Variants in SPAG16 observed in about 807,000 individuals in gnomAD.
SPAG16 encodes sperm associated antigen 16, also known as sperm-associated antigen 16 protein.
In SPAG16, 86 loss-of-function variants were observed where a neutral mutation model predicts 80.4. The observed-to-expected ratio is 1.07, with a 90% confidence interval of 0.90 to 1.28. The LOEUF (loss-of-function observed/expected upper bound fraction) is 1.28. Ranked by LOEUF, SPAG16 falls within the 50% of genes most tolerant of loss-of-function variation. SPAG16 has a pLI of 0.00. For synonymous variants in SPAG16, 294 were observed against 265.9 expected, an observed-to-expected ratio of 1.11 and a Z score of -1.03; for missense variants, 870 against 765.3, an observed-to-expected ratio of 1.14 and a Z score of -1.61.
Position 213,930,037 on chromosome 2 carries a change from C to G in SPAG16, c.1292C>G (p.Thr431Ser). Residue 431 changes from threonine to serine, a missense_variant, in exon 12 of 16, where the codon ACC becomes AGC. Coordinates refer to ENST00000331683, the MANE Select transcript of SPAG16 (RefSeq NM_024532.5). ...CTATGTAAAGGCGATTGCATTTTGA[C>G]CTTTGAAGGACACAGCCGCGCAGTG... ...WDLCKGDCIL[T>S]FEGHSRAVWS... 6.2e-7 allele frequency: 1 copy of G among 1,614,088 alleles called. No homozygotes were observed. Among genetic ancestry groups the G allele is most frequent in the Middle Eastern group, 1.6e-4 (1 of 6,062 alleles).
At chr2:213,466,277 A>G (rs1370345316) in intron 9 of SPAG16, among the ~76,000 whole-genome samples, 1 of 152,208 alleles carries the variant, frequency 6.6e-6, no homozygotes, top group Non-Finnish European at 1.5e-5. Context: ...CTGTCCCTCT[A>G]GAGAACCCTG....
At chr2:214,408,275 C>T (rs571718447) in intron 15 of SPAG16, among the ~76,000 whole-genome samples, 158 of 151,892 alleles carry the variant, frequency 1.0e-3, no homozygotes, top group African/African-American at 3.7e-3. Flanking sequence ...CAGTGTTTAC[C>T]CCACTTTTCA....
chr2:214,304,816 G>A (rs776964209), intron 15 of SPAG16, among the ~76,000 whole-genome samples: 15 of 152,136 alleles, frequency 9.9e-5, no homozygotes, highest in Non-Finnish European at 1.8e-4. Flanking sequence ...TTTGCTGTGT[G>A]AGTAGTACTG....
chr2:214,167,051 AG>A (rs2056684347), intron 15 of SPAG16, among the ~76,000 whole-genome samples: 1 of 152,196 alleles, frequency 6.6e-6, no homozygotes, highest in Admixed American at 6.5e-5. Context: ...GCTGAAGCCA[AG>A]TGAAAGTTAG....
At chr2:214,291,584 C>T (rs1159356274) in intron 15 of SPAG16, among the ~76,000 whole-genome samples, 2 of 152,052 alleles carry the variant, frequency 1.3e-5, no homozygotes, top group Non-Finnish European at 2.9e-5. Flanking sequence ...GGATTACAGG[C>T]GTGAGCCACC....
chr2:214,119,424 A>C (rs1432094716), intron 14 of SPAG16, among the ~76,000 whole-genome samples: 1 of 152,160 alleles, frequency 6.6e-6, no homozygotes. Flanking sequence ...CCAGAAAATT[A>C]TTAATAGCCA....
chr2:213,944,890 T>A (rs1385227731), intron 12 of SPAG16, among the ~76,000 whole-genome samples: 1 of 151,912 alleles, frequency 6.6e-6, no homozygotes. Context: ...AAAAATAAAT[T>A]AGCCGGGCGT....
At chr2:213,883,691 TC>T (rs56104652) in intron 11 of SPAG16, among the ~76,000 whole-genome samples, 52,013 of 152,026 alleles carry the variant, frequency 0.34, 9,354 homozygotes, top group South Asian at 0.47. Flanking sequence ...ATCTGGATGC[TC>T]CAGTGTTGGG....
chr2:213,694,610 C>A (rs999183461), intron 10 of SPAG16, among the ~76,000 whole-genome samples: 1 of 152,164 alleles, frequency 6.6e-6, no homozygotes, highest in African/African-American at 2.4e-5. Context: ...TTCAGCTCAA[C>A]ATTCCTAAGG....
At chr2:213,704,155 A>G (rs1170043427) in intron 10 of SPAG16, among the ~76,000 whole-genome samples, 1 of 152,254 alleles carries the variant, frequency 6.6e-6, no homozygotes, top group African/African-American at 2.4e-5. Context: ...ACAATATCTT[A>G]TAACAGCCAT....
intron 10 of SPAG16, among the ~76,000 whole-genome samples, chr2:213,560,363 T>G (rs958259230): frequency 6.6e-6 from 1 of 152,144 alleles, no homozygotes; most frequent in Admixed American, 6.5e-5. Context: ...ATTTTTTTCC[T>G]TCATAGGAAG....
intron 13 of SPAG16, among the ~76,000 whole-genome samples, chr2:214,065,572 T>G (rs1177895721): frequency 6.7e-6 from 1 of 150,096 alleles, no homozygotes; most frequent in Non-Finnish European, 1.5e-5. Context: ...TTCACTTGAC[T>G]GGATCATTTA....
intron 10 of SPAG16, among the ~76,000 whole-genome samples, chr2:213,513,927 A>T (rs1575801758): frequency 2.6e-5 from 4 of 152,264 alleles, no homozygotes; most frequent in African/African-American, 9.6e-5. Context: ...TAGATTGCAA[A>T]TCTTTTCTTA....
rs570132077 is a variant in SPAG16, at chr2:213,464,570, T to C, written c.943-25393T>C. On this transcript the variant is annotated intron_variant, in intron 9 of 15. Coordinates refer to ENST00000331683, the MANE Select transcript of SPAG16 (RefSeq NM_024532.5). ...AATGCTTCTATCCAGTTAATGAAGG[T>C]ATATACCCATACCAGGAGGTACTGG... Among the ~76,000 whole-genome samples the C allele has an allele frequency of 9.2e-5, 14 of 152,316 alleles. 1 individual carries two copies. The highest frequency in any genetic ancestry group is 9.1e-4 in the Admixed American group (14 of 15,304).
intron 5 of SPAG16, among the ~76,000 whole-genome samples, chr2:213,320,138 T>TA (rs1183614531): frequency 1.3e-5 from 2 of 151,970 alleles, no homozygotes; most frequent in Admixed American, 1.3e-4. Context: ...AGTGCTTCCT[T>TA]ATAGCCTGGT....
At chr2:214,268,126 A>T (rs1224555673) in intron 15 of SPAG16, among the ~76,000 whole-genome samples, 1 of 151,104 alleles carries the variant, frequency 6.6e-6, no homozygotes, top group Non-Finnish European at 1.5e-5. Context: ...ACAATGAGAG[A>T]TTGCCTCACA....
At chr2:213,535,402 A>T (rs893108285) in intron 10 of SPAG16, among the ~76,000 whole-genome samples, 2 of 152,174 alleles carry the variant, frequency 1.3e-5, no homozygotes, top group Admixed American at 6.5e-5. Flanking sequence ...TATAAAAAAG[A>T]CACAAATTCA....
intron 13 of SPAG16, among the ~76,000 whole-genome samples, chr2:214,048,678 A>G (rs763116604): frequency 3.9e-5 from 6 of 152,178 alleles, no homozygotes; most frequent in Non-Finnish European, 8.8e-5. Context: ...AAATTATTTA[A>G]TTGTACACTG....
At chr2:214,303,648 G>A (rs1694713393) in intron 15 of SPAG16, among the ~76,000 whole-genome samples, 1 of 152,064 alleles carries the variant, frequency 6.6e-6, no homozygotes. Flanking sequence ...TGAATTTCTT[G>A]TGTATGATAA....
Sources: allele counts gnomAD v4.1 joint callset (sites outside exome capture counted in the v4.1 genomes callset), GRCh38; gene constraint gnomAD v4.1.1; transcripts MANE v1.5; gene names NCBI Gene and HGNC (gene_info 2026-07-23, HGNC 2026-07-21).